Variants in ERMP1 observed in about 807,000 individuals in gnomAD.
ERMP1 encodes the protein endoplasmic reticulum metallopeptidase 1, also known as Felix-ina.
In ERMP1, 86 loss-of-function variants were observed where a neutral mutation model predicts 92.0. The ratio of observed to expected loss-of-function variants is 0.93; its 90% CI spans 0.79 to 1.12. The LOEUF is 1.12. ERMP1 is among the 50% of genes most tolerant of loss of function. The pLI, the probability that ERMP1 is intolerant of heterozygous loss-of-function variation, is 0.00. For missense variants in ERMP1, 1,342 were observed against 1,116.3 expected, an observed-to-expected ratio of 1.20 and a Z score of -2.88; for synonymous variants, 530 against 412.8, an observed-to-expected ratio of 1.28 and a Z score of -3.44.
At chr9:5,789,064 C>T (rs1828061600) in intron 13 of ERMP1, among the ~76,000 whole-genome samples, 1 of 151,806 alleles carries the variant, frequency 6.6e-6, no homozygotes, top group Non-Finnish European at 1.5e-5. Context: ...ATTTGGTACC[C>T]CAGAAGAAAA....
At chr9:5,844,442 T>C (rs7019186) in intron 6 of ERMP1, among the ~76,000 whole-genome samples, 1 of 151,924 alleles carries the variant, frequency 6.6e-6, no homozygotes, top group Non-Finnish European at 1.5e-5. Context: ...GCCTGGCTAA[T>C]TTTTGTATTT....
At chr9:5,858,950 C>T (rs1196094232) in intron 6 of ERMP1, among the ~76,000 whole-genome samples, 1 of 152,222 alleles carries the variant, frequency 6.6e-6, no homozygotes, top group African/African-American at 2.4e-5. Flanking sequence ...TCCCTATATG[C>T]CTGGCTCTGC....
intron 6 of ERMP1, among the ~76,000 whole-genome samples, chr9:5,843,222 A>G (rs1830187479): frequency 6.6e-6 from 1 of 152,236 alleles, no homozygotes; most frequent in Non-Finnish European, 1.5e-5. Flanking sequence ...CTCCACCTAA[A>G]TCAGTAACAG....
chr9:5,831,703 G>A (rs1331834720), intron 1 of ERMP1, among the ~76,000 whole-genome samples: 1 of 152,202 alleles, frequency 6.6e-6, no homozygotes. Context: ...ATGACTTTAA[G>A]TAGCAGAAAC....
intron 2 of ERMP1, among the ~76,000 whole-genome samples, 162 bp from the exon 3 acceptor site, chr9:5,825,381 A>AG (rs1829693861): frequency 6.6e-6 from 1 of 152,222 alleles, no homozygotes; most frequent in Non-Finnish European, 1.5e-5. Flanking sequence ...ACCCACCAGC[A>AG]GTAAGTTCCA....
chr9:5,863,668 T>C (rs1445177977), intron 5 of ERMP1, among the ~76,000 whole-genome samples: 2 of 152,194 alleles, frequency 1.3e-5, no homozygotes, highest in African/African-American at 4.8e-5. Flanking sequence ...TGCCTGCCCT[T>C]GGGAAGCTGG....
At chr9:5,787,340 C>A (rs1418854959) in intron 14 of ERMP1, 32 bp from the exon 15 acceptor site, 2 of 1,605,914 alleles carry the variant, frequency 1.2e-6, no homozygotes, top group Admixed American at 1.7e-5. Context: ...TTCTCCAGTT[C>A]TCAGAAGCCA....
chr9:5,802,758 G>A (rs1586782588), intron 10 of ERMP1, among the ~76,000 whole-genome samples: 1 of 152,334 alleles, frequency 6.6e-6, no homozygotes, highest in Admixed American at 6.5e-5. Context: ...CTGATTGAAT[G>A]ACAGGGGAAA....
At position 5,812,902 on chromosome 9, in the gene ERMP1, A is replaced by C; in HGVS notation, c.1008T>G (p.Phe336Leu). 1.9e-6 allele frequency: 3 copies of C among 1,613,994 alleles called. No individual in the cohort carries two copies. The highest frequency in any genetic ancestry group is 2.2e-5 in the South Asian group (2 of 91,086). ...TTGACAATATACCTGGAATGTTCCCAAAATCCCTGTAGATACGAAAGTCAG... is the reference window on the plus strand; with the variant it reads ...TTGACAATATACCTGGAATGTTCCCCAAATCCCTGTAGATACGAAAGTCAG... ...SDTDFRIYRDFGNIPGIDLAF... is the reference protein window; with the variant it reads ...SDTDFRIYRDLGNIPGIDLAF... Residue 336 changes from phenylalanine to leucine, a missense_variant, in exon 5 of 15, where the codon TTT becomes TTG. Coordinates refer to ENST00000339450, the MANE Select transcript of ERMP1 (RefSeq NM_024896.3).
upstream of ERMP1, among the ~76,000 whole-genome samples, chr9:5,835,646 T>C (rs919042198): frequency 1.3e-5 from 2 of 152,060 alleles, no homozygotes; most frequent in Non-Finnish European, 2.9e-5. Flanking sequence ...CTGGTAGATG[T>C]GAGGTGACAG....
At chr9:5,855,294 G>A (rs1563783845) in intron 6 of ERMP1, among the ~76,000 whole-genome samples, 1 of 152,224 alleles carries the variant, frequency 6.6e-6, no homozygotes, top group Non-Finnish European at 1.5e-5. Flanking sequence ...AAGATGAACT[G>A]TGGACATAGT....
At chr9:5,829,259 C>T (rs1476320128) in intron 2 of ERMP1, among the ~76,000 whole-genome samples, 2 of 151,884 alleles carry the variant, frequency 1.3e-5, no homozygotes, top group African/African-American at 2.4e-5. Flanking sequence ...CTGGTTACCC[C>T]AGCAGCACAC....
At chr9:5,832,319 G>A (rs1040971485) in intron 1 of ERMP1, 2 of 210,580 alleles carry the variant, frequency 9.5e-6, no homozygotes, top group Admixed American at 6.0e-5. Context: ...CAACAGTCTA[G>A]GTACACAAAT....
chr9:5,788,910 A>G (rs979613110), intron 13 of ERMP1, among the ~76,000 whole-genome samples: 1 of 152,200 alleles, frequency 6.6e-6, no homozygotes, highest in African/African-American at 2.4e-5. Context: ...CAATTACAAG[A>G]TGCCCAACAG....
intron 13 of ERMP1, chr9:5,791,175 GAGAA>G (rs1468314732): frequency 2.2e-5 from 10 of 456,214 alleles, no homozygotes; most frequent in East Asian, 6.9e-5. Context: ...TGTGTACAGA[GAGAA>G]AGAGAGAGAG....
At chr9:5,792,728 TTA>T (rs1828249889) in intron 13 of ERMP1, among the ~76,000 whole-genome samples, 1 of 152,168 alleles carries the variant, frequency 6.6e-6, no homozygotes, top group Non-Finnish European at 1.5e-5. Flanking sequence ...ATTGAGAATA[TTA>T]TGTTATAAGG....
Position 5,811,107 on chromosome 9 carries a change from T to G in ERMP1, c.1327+4A>C, listed in dbSNP as rs1389826763. ...TATTTGTAGTTTTAGAGGAAAATACTTACTCTTATGTTTGGGCTGCAAAAA... is the reference window on the plus strand; with the variant it reads ...TATTTGTAGTTTTAGAGGAAAATACGTACTCTTATGTTTGGGCTGCAAAAA... On this transcript the variant is annotated splice_donor_region_variant and intron_variant, in intron 7 of 14. Transcript: ENST00000339450. 1.2e-6 allele frequency: 2 copies of G among 1,600,052 alleles called. No homozygotes were observed. The highest frequency in any genetic ancestry group is 1.1e-5 in the South Asian group (1 of 90,710).
rs1440526182 is a variant in ERMP1, at chr9:5,833,028, G to A, written c.-1C>T. 5 of 1,518,980 alleles carry A rather than the reference G, an allele frequency of 3.3e-6. No homozygotes were observed. Among genetic ancestry groups the A allele is most frequent in the South Asian group, 1.2e-5 (1 of 80,910 alleles). 94.1% of individuals were successfully genotyped at this position (1,518,980 alleles called of 1,614,324 possible). The stretch of plus-strand genomic sequence containing the variant: ...CAGCCGACTCAGAACCCCACTCCAT[G>A]GCCACGAGCCTCAGCTGCCAGCCCA... On this transcript the variant is annotated 5_prime_UTR_variant, in exon 1 of 15. Transcript: ENST00000339450.
In ERMP1 at chr9:5,810,089, G is replaced by A. The variant is rs747829410; in HGVS notation, c.1470C>T (p.Val490=). ...TTGCAGTTCCATACAGACAAACGGA[G>A]ACATAGAAGTGGTTATACCATGAGA... ...QSLSWYNHFY[V]SVCLYGTATV... is the part of the protein sequence containing the mutation. Residue 490 remains valine (V), a synonymous_variant, in exon 8 of 15, where the codon GTC becomes GTT. Transcript: ENST00000339450. 2.5e-5 allele frequency: 40 copies of A among 1,613,770 alleles called. No individual in the cohort carries two copies. The Admixed American group carries it at 6.5e-4, about 26-fold the overall frequency.
Sources: allele counts gnomAD v4.1 joint callset (sites outside exome capture counted in the v4.1 genomes callset), GRCh38; gene constraint gnomAD v4.1.1; transcripts MANE v1.5; gene names NCBI Gene and HGNC (gene_info 2026-07-23, HGNC 2026-07-21).